The following DICER1 variants were observed in gnomAD, a reference collection of about 807,000 sequenced individuals.
DICER1 encodes endoribonuclease Dicer.
DICER1 carries 43 observed loss-of-function variants against 194.1 expected under a neutral mutation model. That is an observed-to-expected ratio of 0.22 (90% CI 0.17 to 0.29). DICER1 has a LOEUF of 0.29. Among genes scored for constraint, DICER1 ranks in the 10% least tolerant of loss-of-function variants. The pLI is 1.00. For missense variants in DICER1, 1,608 were observed against 2,317.0 expected, an observed-to-expected ratio of 0.69 and a Z score of 6.28; for synonymous variants, 832 against 820.5, an observed-to-expected ratio of 1.01 and a Z score of -0.24.
At chr14:95,112,788 T>G (rs1892091634) in intron 12 of DICER1, among the ~76,000 whole-genome samples, 1 of 152,234 alleles carries the variant, frequency 6.6e-6, no homozygotes, top group African/African-American at 2.4e-5. Context: ...GTCAAAAATG[T>G]GCATGTTAGT....
chr14:95,125,096 A>C (rs1022723211), intron 7 of DICER1, among the ~76,000 whole-genome samples: 4 of 152,340 alleles, frequency 2.6e-5, no homozygotes. Flanking sequence ...TATGTTTTCC[A>C]CTATACTGAC....
chr14:95,128,226 C>T (rs1893649065), intron 6 of DICER1, among the ~76,000 whole-genome samples: 1 of 151,978 alleles, frequency 6.6e-6, no homozygotes, highest in Non-Finnish European at 1.5e-5. Context: ...TTTTTCTTAA[C>T]CCAAAACAGA....
intron 17 of DICER1, among the ~76,000 whole-genome samples, chr14:95,107,370 C>T (rs1290914142): frequency 1.3e-5 from 2 of 151,904 alleles, no homozygotes; most frequent in African/African-American, 2.4e-5. Flanking sequence ...CCTGCCTCAG[C>T]CTCCCGAGTA....
At chr14:95,100,598 G>C (rs189006811) in intron 21 of DICER1, among the ~76,000 whole-genome samples, 1 of 151,980 alleles carries the variant, frequency 6.6e-6, no homozygotes, top group Non-Finnish European at 1.5e-5. Context: ...CCTCTACTCC[G>C]GTCTGTTTTT....
chr14:95,156,564 T>C (rs1895882243), intron 1 of DICER1, among the ~76,000 whole-genome samples: 1 of 152,234 alleles, frequency 6.6e-6, no homozygotes, highest in South Asian at 2.1e-4. Flanking sequence ...TCTGATGTGC[T>C]AACTTAAAAC....
At chr14:95,103,097 G>A (rs1027750354) in intron 21 of DICER1, among the ~76,000 whole-genome samples, 2 of 152,186 alleles carry the variant, frequency 1.3e-5, no homozygotes, top group African/African-American at 4.8e-5. Flanking sequence ...CAAAAAGTAA[G>A]GCACGTGGAG....
At chr14:95,127,905 G>A (rs994847116) in intron 6 of DICER1, among the ~76,000 whole-genome samples, 2 of 152,220 alleles carry the variant, frequency 1.3e-5, no homozygotes, top group African/African-American at 4.8e-5. Context: ...AAATACTCAT[G>A]AAACTCAATC....
intron 8 of DICER1, among the ~76,000 whole-genome samples, chr14:95,123,707 A>G (rs983637098): frequency 6.6e-6 from 1 of 152,190 alleles, no homozygotes; most frequent in Non-Finnish European, 1.5e-5. Context: ...TGCCCAACCT[A>G]GCCTTGAAAA....
chr14:95,109,675 T>C (rs979042795), intron 14 of DICER1, among the ~76,000 whole-genome samples: 1 of 152,252 alleles, frequency 6.6e-6, no homozygotes, highest in Non-Finnish European at 1.5e-5. Context: ...ATTCTGAATC[T>C]TGAAAATGCT....
intron 17 of DICER1, 41 bp from the exon 18 acceptor site, chr14:95,106,264 T>G: frequency 6.8e-7 from 1 of 1,466,816 alleles, no homozygotes; most frequent in Non-Finnish European, 9.5e-7. Context: ...TGCTTTTTGA[T>G]TTAAATCAAC....
intron 24 of DICER1, 30 bp downstream of exon 24, chr14:95,093,858 T>G (rs1890063486): frequency 6.2e-7 from 1 of 1,613,548 alleles, no homozygotes; most frequent in South Asian, 1.1e-5. Context: ...TTAGACCACT[T>G]TTTTCAACAT....
intron 8 of DICER1, among the ~76,000 whole-genome samples, chr14:95,118,801 A>T (rs577025625): frequency 3.1e-4 from 38 of 122,644 alleles, no homozygotes; most frequent in Admixed American, 2.2e-3. Flanking sequence ...TCATTCTTTT[A>T]AAAAAAAAAA....
At chr14:95,157,188 C>T (rs1364069386) in intron 1 of DICER1, 42 bp downstream of exon 1, 1 of 150,262 alleles carries the variant, frequency 6.7e-6, no homozygotes, top group Non-Finnish European at 1.5e-5. Flanking sequence ...CGACCCGCTC[C>T]CCGCCCCGGA....
rs960882464 is a variant in DICER1 at position 95,090,356 on chromosome 14, T to C, written c.*142A>G. 7 of 886,900 alleles carry C rather than the reference T, an allele frequency of 7.9e-6. No homozygotes were observed. Among genetic ancestry groups the C allele is most frequent in the Non-Finnish European group, 1.3e-5 (7 of 559,272 alleles). 54.9% of individuals were successfully genotyped at this position (886,900 alleles called of 1,614,324 possible). ...ATGTTAAATGTTTTATTCTGTTATC[T>C]ATCCTGTTATCAACCAAACTTTAAA... On this transcript the variant is annotated 3_prime_UTR_variant, in exon 27 of 27. Transcript: ENST00000343455.
intron 14 of DICER1, among the ~76,000 whole-genome samples, chr14:95,109,365 T>C (rs1275754577): frequency 1.3e-5 from 2 of 152,162 alleles, no homozygotes; most frequent in Non-Finnish European, 2.9e-5. Flanking sequence ...ATAAAGAATG[T>C]ATCTATTAAT....
chr14:95,149,249 G>C (rs1168159584), intron 1 of DICER1, among the ~76,000 whole-genome samples: 5 of 152,170 alleles, frequency 3.3e-5, no homozygotes, highest in Non-Finnish European at 7.3e-5. Context: ...GGTCAATCCA[G>C]AGACAAAATG....
At chr14:95,093,177 GA>G (rs1889998921) in intron 24 of DICER1, among the ~76,000 whole-genome samples, 1 of 152,136 alleles carries the variant, frequency 6.6e-6, no homozygotes, top group Non-Finnish European at 1.5e-5. Flanking sequence ...CTCCTTATAA[GA>G]AAATCTACAA....
Position 95,111,512 on chromosome 14 carries a change from A to G in DICER1, c.2117-56T>C, listed in dbSNP as rs1032392575. On this transcript the variant is annotated intron_variant, in intron 13 of 26. Transcript: ENST00000343455. ...TCCAGATTTTGCCTGATTAATTAGT[A>G]AAGAATTTAGAACAGAACTATGTTA... 35 of 1,578,212 alleles carry G rather than the reference A, an allele frequency of 2.2e-5. No homozygotes were observed. In the Admixed American group the frequency reaches 2.8e-4, roughly 13 times the overall value.
rs1060504958 is a variant in DICER1 at position 95,108,327 on chromosome 14, A to C, written c.2433T>G (p.Pro811=). The change falls in exon 15 of 27, where the codon CCT becomes CCG. Residue 811 remains proline, a synonymous_variant. Coordinates refer to ENST00000343455, the MANE Select transcript of DICER1 (RefSeq NM_177438.3). ...GTACTCATTATGAAATACCTACCTG[A>C]GGTATGGGTTTGGCCGTCAGTATTC... ...CFGILTAKPI[P]QIPHFPVYTR... The C allele has an allele frequency of 6.2e-7, 1 of 1,613,250 alleles. No individual in the cohort carries two copies. Among genetic ancestry groups the C allele is most frequent in the Non-Finnish European group, 8.5e-7 (1 of 1,179,746 alleles).
Sources: gnomAD v4.1 joint callset for allele counts (sites outside exome capture counted in the v4.1 genomes callset) on GRCh38, gnomAD v4.1.1 for gene constraint, MANE v1.5 for transcripts, NCBI Gene and HGNC (gene_info 2026-07-23, HGNC 2026-07-21) for gene names.